Variants in PLCB4 observed in about 807,000 individuals in gnomAD.
PLCB4 encodes the protein phospholipase C beta 4, also known as 1-phosphatidylinositol 4,5-bisphosphate phosphodiesterase beta-4.
A neutral mutation model predicts 178.8 loss-of-function variants in PLCB4; 77 were observed. That is an observed-to-expected ratio of 0.43 (90% CI 0.36 to 0.52). The LOEUF (loss-of-function observed/expected upper bound fraction) is 0.52. Among genes scored for constraint, PLCB4 ranks in the 20% least tolerant of loss-of-function variants. The pLI, the probability that PLCB4 is intolerant of heterozygous loss-of-function variation, is 0.00. For synonymous variants in PLCB4, 496 were observed against 490.8 expected (o/e 1.01, Z -0.14); for missense variants, 1,024 against 1,453.4 (o/e 0.70, Z 4.80).
chr20:9,401,397 A>G (rs536630106), intron 19 of PLCB4, 93 bp from the exon 20 acceptor site: 13 of 802,660 alleles, frequency 1.6e-5, no homozygotes, highest in Middle Eastern at 2.2e-4. Flanking sequence ...CTTTTTCTCT[A>G]AAAGTGCTTA....
At chr20:9,403,459 G>A (rs1327961097) in intron 20 of PLCB4, among the ~76,000 whole-genome samples, 1 of 152,132 alleles carries the variant, frequency 6.6e-6, no homozygotes, top group African/African-American at 2.4e-5. Context: ...TGTAGAATAT[G>A]TTAAAAATCT....
chr20:9,220,952 A>G (rs1303799690), intron 3 of PLCB4, among the ~76,000 whole-genome samples: 1 of 152,234 alleles, frequency 6.6e-6, no homozygotes, highest in Non-Finnish European at 1.5e-5. Context: ...GTACAACAAT[A>G]GCAAGCACAA....
At chr20:9,397,987 A>G (rs2038732611) in intron 19 of PLCB4, among the ~76,000 whole-genome samples, 2 of 152,272 alleles carry the variant, frequency 1.3e-5, no homozygotes, top group Non-Finnish European at 1.5e-5. Context: ...GCTTACTCAC[A>G]TGCTGGCAGT....
chr20:9,186,317 A>T (rs2093328160), intron 2 of PLCB4, among the ~76,000 whole-genome samples: 1 of 152,212 alleles, frequency 6.6e-6, no homozygotes, highest in Admixed American at 6.5e-5. Flanking sequence ...TATTTGTCAA[A>T]ACCCATTCTG....
Position 9,390,619 on chromosome 20 carries a change from T to A in PLCB4, c.1323+4T>A. The stretch of plus-strand genomic sequence containing the variant: ...ACAAGCACTTGAATCACATCCAGTA[T>A]GTATTTTTAACAAACCATATTTCTA... On this transcript the variant is annotated splice_donor_region_variant and intron_variant, in intron 17 of 39. Transcript: ENST00000378473. 7.0e-7 allele frequency: 1 copy of A among 1,430,474 alleles called. No individual in the cohort carries two copies. The highest frequency in any genetic ancestry group is 1.2e-5 in the South Asian group (1 of 86,778). 88.6% of individuals were successfully genotyped at this position (1,430,474 alleles called of 1,614,324 possible). A position where few individuals can be genotyped will look rare whatever the true frequency, so the allele number is the denominator to read the frequency against.
chr20:9,431,977 A>G (rs754927147), intron 28 of PLCB4, among the ~76,000 whole-genome samples: 2 of 152,190 alleles, frequency 1.3e-5, no homozygotes, highest in Non-Finnish European at 2.9e-5. Context: ...CAAAGAAATC[A>G]TTTTTTGCAC....
intron 2 of PLCB4, among the ~76,000 whole-genome samples, chr20:9,207,008 C>G (rs11905278): frequency 4.6e-5 from 7 of 151,976 alleles, no homozygotes; most frequent in East Asian, 1.9e-4. Flanking sequence ...CCCAGCTACT[C>G]GGGAGGCTGA....
chr20:9,127,313 A>G lies in PLCB4; in HGVS notation c.-79+30971A>G, dbSNP rs549868550. 6.6e-5 allele frequency among the ~76,000 whole-genome samples: 10 copies of G among 152,258 alleles called. No individual in the cohort carries two copies. The South Asian group carries it at 1.9e-3, about 28-fold the overall frequency. On this transcript the variant is annotated intron_variant, in intron 2 of 39. Transcript: ENST00000378473. ...TCTTGGTTCAAGGAACACGCCTCAC[A>G]TAGGAGGCATGAGGTACTTCATACT...
At chr20:9,378,481 C>CCTTG (rs2036863442) in intron 12 of PLCB4, among the ~76,000 whole-genome samples, 1 of 152,074 alleles carries the variant, frequency 6.6e-6, no homozygotes. Flanking sequence ...AGACGGAGCT[C>CCTTG]CTTGTTTCCT....
intron 4 of PLCB4, among the ~76,000 whole-genome samples, chr20:9,329,686 G>C (rs889323499): frequency 6.6e-6 from 1 of 152,212 alleles, no homozygotes; most frequent in Admixed American, 6.5e-5. Context: ...TACACATGCT[G>C]TTATTTTGTC....
chr20:9,373,992 A>G (rs1424644975), intron 12 of PLCB4, among the ~76,000 whole-genome samples: 7 of 152,222 alleles, frequency 4.6e-5, no homozygotes, highest in African/African-American at 1.7e-4. Context: ...GTTAATCATT[A>G]TACCATATAA....
rs764119420 is a variant in PLCB4, at chr20:9,098,739, A to ATGTG, written c.-79+2398_-79+2399insGTGT. 8.1e-3 allele frequency among the ~76,000 whole-genome samples: 399 copies of ATGTG among 49,208 alleles called. 2 individuals are homozygous for ATGTG. The highest frequency in any genetic ancestry group is 0.029 in the Middle Eastern group (2 of 68). The allele number at this position is 49,208 out of a possible 152,430, so 32.3% of individuals were successfully genotyped here. On this transcript the variant is annotated intron_variant, in intron 2 of 39. Transcript: ENST00000378473. Reference sequence around the variant, plus strand: ...TACGTGTGTGTGTATATATATACATATATGTGTGTGTGTGTGTGTGTGTGT... The same window carrying ATGTG: ...TACGTGTGTGTGTATATATATACATATGTGTATGTGTGTGTGTGTGTGTGTGTGT...
intron 4 of PLCB4, among the ~76,000 whole-genome samples, chr20:9,327,306 C>T (rs1293028246): frequency 6.6e-6 from 1 of 151,270 alleles, no homozygotes; most frequent in Non-Finnish European, 1.5e-5. Context: ...AATTAGCCAG[C>T]CATGATAGTG....
intron 23 of PLCB4, 144 bp downstream of exon 23, chr20:9,408,861 T>A (rs762612518): frequency 4.3e-6 from 3 of 697,104 alleles, no homozygotes; most frequent in Non-Finnish European, 7.5e-6. Context: ...GCTGTGACAA[T>A]CTGCCCAAAT....
intron 2 of PLCB4, among the ~76,000 whole-genome samples, chr20:9,123,713 TAG>T (rs1191732049): frequency 6.6e-6 from 1 of 151,984 alleles, no homozygotes; most frequent in Non-Finnish European, 1.5e-5. Flanking sequence ...GGTAGATAAG[TAG>T]GTAGATAGGT....
At chr20:9,393,443 G>A (rs1848495508) in intron 17 of PLCB4, 145 bp from the exon 18 acceptor site, 2 of 592,838 alleles carry the variant, frequency 3.4e-6, no homozygotes, top group South Asian at 4.2e-5. Context: ...TTGGGTTGGG[G>A]AGTGAAAACA....
At chr20:9,386,692 G>A (rs1379942040) in intron 14 of PLCB4, among the ~76,000 whole-genome samples, 1 of 151,342 alleles carries the variant, frequency 6.6e-6, no homozygotes, top group African/African-American at 2.4e-5. Context: ...AAGTTTTAGG[G>A]TACATATGCA....
At chr20:9,239,564 G>A (rs757304574) in intron 3 of PLCB4, among the ~76,000 whole-genome samples, 15 of 152,178 alleles carry the variant, frequency 9.9e-5, no homozygotes, top group Non-Finnish European at 2.2e-4. Context: ...GTGGACAGTT[G>A]TGCTCAAGTA....
intron 1 of PLCB4, among the ~76,000 whole-genome samples, chr20:9,089,365 G>A (rs4816123): frequency 0.88 from 133,328 of 152,082 alleles, 58,890 homozygotes; most frequent in East Asian, 1. Flanking sequence ...ATGTGATTAT[G>A]TAAAAAATAT....
Sources: allele counts gnomAD v4.1 joint callset (sites outside exome capture counted in the v4.1 genomes callset), GRCh38; gene constraint gnomAD v4.1.1; transcripts MANE v1.5; gene names NCBI Gene and HGNC (gene_info 2026-07-23, HGNC 2026-07-21).